The following DSCAML1 variants were observed in gnomAD, a reference collection of about 807,000 sequenced individuals.
DSCAML1 encodes DS cell adhesion molecule like 1, also known as cell adhesion molecule DSCAML1.
A neutral mutation model predicts 200.5 loss-of-function variants in DSCAML1; 38 were observed. The observed-to-expected ratio is 0.19, with a 90% CI of 0.15 to 0.25. The LOEUF (loss-of-function observed/expected upper bound fraction) is 0.25. DSCAML1 is among the 10% of genes least tolerant of loss of function. The pLI, the probability that DSCAML1 is intolerant of heterozygous loss-of-function variation, is 1.00. For synonymous variants in DSCAML1, 1,215 were observed against 1,165.0 expected (o/e 1.04, Z -0.87); for missense variants, 2,223 against 2,858.8 (o/e 0.78, Z 5.07).
intron 32 of DSCAML1, among the ~76,000 whole-genome samples, chr11:117,429,945 A>G (rs535779860): frequency 1.3e-5 from 2 of 152,368 alleles, no homozygotes; most frequent in South Asian, 2.1e-4. Context: ...TGGGGGTGTC[A>G]TTCAGGGTCA....
At chr11:117,613,030 C>T (rs1266113645) in intron 3 of DSCAML1, among the ~76,000 whole-genome samples, 3 of 152,106 alleles carry the variant, frequency 2.0e-5, no homozygotes, top group Non-Finnish European at 4.4e-5. Flanking sequence ...CATGGATGGG[C>T]TTATGAGTGT....
chr11:117,553,927 T>C (rs769077305), intron 3 of DSCAML1, among the ~76,000 whole-genome samples: 15 of 152,212 alleles, frequency 9.9e-5, no homozygotes, highest in Admixed American at 1.3e-4. Context: ...GATGAATAGA[T>C]AAATAGAACA....
At chr11:117,670,616 C>T (rs570008112) in intron 3 of DSCAML1, among the ~76,000 whole-genome samples, 2 of 152,136 alleles carry the variant, frequency 1.3e-5, no homozygotes, top group African/African-American at 4.8e-5. Context: ...TCAGCTGAGG[C>T]TATTGTCAGA....
chr11:117,810,583 T>C (rs2055753112), intron 1 of DSCAML1, among the ~76,000 whole-genome samples: 1 of 151,978 alleles, frequency 6.6e-6, no homozygotes, highest in Admixed American at 6.5e-5. Flanking sequence ...TCCTCCTTCT[T>C]CTCCCTTAGC....
In DSCAML1 at chr11:117,480,696, A is replaced by T; in HGVS notation, c.2657-125T>A. 1 of 1,109,648 alleles carries T rather than the reference A, an allele frequency of 9.0e-7. No individual in the cohort carries two copies. The highest frequency in any genetic ancestry group is 1.3e-6 in the Non-Finnish European group (1 of 777,972). 68.7% of individuals were successfully genotyped at this position (1,109,648 alleles called of 1,614,324 possible). ...GACTCTGGCACCCTAGGGTTTGAGC[A>T]GGGTGGGGGCTGGAGGAGGCCAGCA... On this transcript the variant is annotated intron_variant, in intron 13 of 32. Coordinates refer to ENST00000651296, the MANE Select transcript of DSCAML1 (RefSeq NM_020693.4). This position sits in a 1 kb window ranked among gnomAD's most constrained non-coding sequence, Gnocchi z 4.1.
At chr11:117,726,822 T>C (rs2054140835) in intron 3 of DSCAML1, among the ~76,000 whole-genome samples, 1 of 150,998 alleles carries the variant, frequency 6.6e-6, no homozygotes, top group Non-Finnish European at 1.5e-5. Flanking sequence ...TGAGCTTGGA[T>C]TGTGATGTGG....
At chr11:117,758,558 C>A (rs189430495) in intron 3 of DSCAML1, among the ~76,000 whole-genome samples, 2 of 151,876 alleles carry the variant, frequency 1.3e-5, no homozygotes, top group Admixed American at 1.3e-4. Context: ...CCTACCACCA[C>A]GTCCGGGTAA....
rs548763137 is a variant in DSCAML1 at position 117,725,189 on chromosome 11, G to A, written c.511+51602C>T. ...CCCCTTCCCCAGGCATAGCTGGGCC[G>A]GTCTCCGTGGACGGGAGGCAAGTTG... On this transcript the variant is annotated intron_variant, in intron 3 of 32. Coordinates refer to ENST00000651296, the MANE Select transcript of DSCAML1 (RefSeq NM_020693.4). 1.8e-4 allele frequency among the ~76,000 whole-genome samples: 28 copies of A among 152,294 alleles called. 1 individual carries two copies. In the East Asian group the frequency reaches 5.0e-3, roughly 27 times the overall value.
chr11:117,540,028 A>G (rs989551563), intron 3 of DSCAML1, among the ~76,000 whole-genome samples: 1 of 152,276 alleles, frequency 6.6e-6, no homozygotes, highest in Non-Finnish European at 1.5e-5. Flanking sequence ...AACTGCAAAA[A>G]GGCAAATATG....
Position 117,780,862 on chromosome 11 carries a change from C to T in DSCAML1, c.47-52G>A. 1 of 1,356,428 alleles carries T rather than the reference C, an allele frequency of 7.4e-7. No individual in the cohort carries two copies. The highest frequency in any genetic ancestry group is 1.8e-5 in the South Asian group (1 of 56,864). 84.0% of individuals were successfully genotyped at this position (1,356,428 alleles called of 1,614,324 possible). On this transcript the variant is annotated intron_variant, in intron 1 of 32. Coordinates refer to ENST00000651296, the MANE Select transcript of DSCAML1 (RefSeq NM_020693.4). The surrounding 1 kb of genome is among the most constrained non-coding windows in gnomAD (Gnocchi z 4.8). Reference sequence around the variant, plus strand: ...TGGTTAGCATGGGCTCTAACAATACCCATATAAGCCACGGAGGCTTGCGAC... The same window carrying T: ...TGGTTAGCATGGGCTCTAACAATACTCATATAAGCCACGGAGGCTTGCGAC...
At chr11:117,624,144 A>G (rs2051995964) in intron 3 of DSCAML1, among the ~76,000 whole-genome samples, 1 of 152,252 alleles carries the variant, frequency 6.6e-6, no homozygotes, top group South Asian at 2.1e-4. Context: ...TCAAATTAAA[A>G]TAAGTCTAGC....
chr11:117,599,299 C>A (rs1324183094), intron 3 of DSCAML1, among the ~76,000 whole-genome samples: 1 of 152,208 alleles, frequency 6.6e-6, no homozygotes, highest in African/African-American at 2.4e-5. Context: ...ACATTTAGTT[C>A]TGGTCCATAT....
At chr11:117,432,099 C>T (rs780924958) in intron 30 of DSCAML1, among the ~76,000 whole-genome samples, 5 of 152,124 alleles carry the variant, frequency 3.3e-5, no homozygotes, top group Non-Finnish European at 4.4e-5. Context: ...TTGGAGAACA[C>T]GAATACCCAA....
chr11:117,428,889 C>G (rs2047724579), intron 32 of DSCAML1, 86 bp from the exon 33 acceptor site: 3 of 1,324,254 alleles, frequency 2.3e-6, no homozygotes, highest in Admixed American at 2.3e-5. Flanking sequence ...CCCCTGCCCC[C>G]AGTCTTCTCT....
rs987885006 is a variant in DSCAML1, at chr11:117,611,669, G to A, written c.512-79147C>T. Reference sequence around the variant, plus strand: ...TTCCAGTATCTTAGCAGGAAACCCAGCTCTTCTCTTAAACTCCTTTCTCTT... The same window carrying A: ...TTCCAGTATCTTAGCAGGAAACCCAACTCTTCTCTTAAACTCCTTTCTCTT... On this transcript the variant is annotated intron_variant, in intron 3 of 32. Coordinates refer to ENST00000651296, the MANE Select transcript of DSCAML1 (RefSeq NM_020693.4). 2.0e-5 allele frequency: 3 copies of A among 152,188 alleles called. No individual in the cohort carries two copies. In the East Asian group the frequency reaches 5.8e-4, roughly 29 times the overall value. The allele number at this position is 152,188 out of a possible 1,614,324, so 9.4% of individuals were successfully genotyped here. A position where few individuals can be genotyped will look rare whatever the true frequency, so the allele number is the denominator to read the frequency against.
chr11:117,439,316 G>C lies in DSCAML1; in HGVS notation c.4094C>G (p.Ala1365Gly). 1 of 1,614,064 alleles carries C rather than the reference G, an allele frequency of 6.2e-7. No homozygotes were observed. Among genetic ancestry groups the C allele is most frequent in the South Asian group, 1.1e-5 (1 of 91,076 alleles). ...GGTGTCAAAGCCACCAGTGTTGGTG[G>C]CCGTGCACGTGTAGTAGCCAGAGTC... is the stretch of plus-strand genomic sequence containing the variant. ...AEDSGYYTCT[A>G]TNTGGFDTII... The change falls in exon 23 of 33, where the codon GCC becomes GGC. Residue 1365 changes from alanine to glycine, a missense_variant. By Grantham distance (60) the Ala-to-Gly change is moderately conservative. This residue lies in a region of DSCAML1 where 614 missense variants were observed against 739.1 expected (regional missense o/e 0.83). Coordinates refer to ENST00000651296, the MANE Select transcript of DSCAML1 (RefSeq NM_020693.4).
At chr11:117,797,345 G>T (rs112872285), upstream of DSCAML1, 314,868 of 1,164,934 alleles carry the variant, frequency 0.27, 46,002 homozygotes, top group Non-Finnish European at 0.3. Context: ...GAGCCCAGAC[G>T]GACCCCAGCC....
At chr11:117,777,580 C>G (rs1409969990) in intron 2 of DSCAML1, among the ~76,000 whole-genome samples, 1 of 152,186 alleles carries the variant, frequency 6.6e-6, no homozygotes, top group African/African-American at 2.4e-5. Flanking sequence ...ACACAGAATC[C>G]TAGAGACATG....
At chr11:117,442,339 T>TATGTGTGC (rs2048080968) in intron 21 of DSCAML1, among the ~76,000 whole-genome samples, 1 of 151,874 alleles carries the variant, frequency 6.6e-6, no homozygotes, top group Non-Finnish European at 1.5e-5. Context: ...GTATAGTGTG[T>TATGTGTGC]ATGTGTGTGC....
Sources: gnomAD v4.1 joint callset for allele counts (sites outside exome capture counted in the v4.1 genomes callset) on GRCh38, gnomAD v4.1.1 for gene constraint, gnomAD v4.1.1 regional missense constraint, Gnocchi (gnomAD v3.1) non-coding constraint, MANE v1.5 for transcripts, NCBI Gene and HGNC (gene_info 2026-07-23, HGNC 2026-07-21) for gene names.